Variants in HADH observed in about 807,000 individuals in gnomAD.
HADH encodes the protein hydroxyacyl-CoA dehydrogenase.
HADH carries 24 observed loss-of-function variants against 32.2 expected under a neutral mutation model. The ratio of observed to expected loss-of-function variants is 0.75; its 90% confidence interval spans 0.54 to 1.05. The LOEUF is 1.05. Ranked by LOEUF, HADH falls within the 50% of genes least tolerant of loss-of-function variation. The pLI is 0.00. For missense variants in HADH, 350 were observed against 397.1 expected (o/e 0.88, Z 1.01); for synonymous variants, 139 against 152.5 (o/e 0.91, Z 0.65).
At chr4:108,009,415 G>A (rs554166061) in intron 1 of HADH, among the ~76,000 whole-genome samples, 1 of 152,364 alleles carries the variant, frequency 6.6e-6, no homozygotes, top group Admixed American at 6.5e-5. Context: ...ACAGTGCAGT[G>A]TTAAAATCAG....
chr4:107,995,952 T>G, intron 1 of HADH, among the ~76,000 whole-genome samples: 1 of 152,156 alleles, frequency 6.6e-6, no homozygotes, highest in East Asian at 1.9e-4. Context: ...CTTCTGCCCA[T>G]GGTAGACTCA....
intron 1 of HADH, among the ~76,000 whole-genome samples, chr4:108,000,677 A>G (rs949903423): frequency 5.9e-5 from 9 of 152,212 alleles, no homozygotes; most frequent in African/African-American, 1.9e-4. Context: ...GTTTCACTAA[A>G]GGAGAGATGG....
rs1735800412 is a variant in HADH, at chr4:108,019,299, G to A, written c.420-241G>A. Among the ~76,000 whole-genome samples, 3 of 152,088 alleles carry A rather than the reference G, an allele frequency of 2.0e-5. No individual in the cohort carries two copies. In the South Asian group the frequency reaches 6.2e-4, roughly 32 times the overall value. ...GGAAAATCAAGGAAGGATTGGTGAA[G>A]GTTAAATACCTCTTCGGAACAGGAA... On this transcript the variant is annotated intron_variant, in intron 3 of 7. Coordinates refer to ENST00000309522, the MANE Select transcript of HADH (RefSeq NM_005327.7).
intron 6 of HADH, chr4:108,031,538 TG>T (rs1736262573): frequency 6.6e-6 from 1 of 152,336 alleles, no homozygotes; most frequent in Non-Finnish European, 1.5e-5. Context: ...TTCCCATTCC[TG>T]CCTCTGCATG....
chr4:108,033,209 T>C lies in HADH; in HGVS notation c.743T>C (p.Met248Thr). ...TCCAAAGAAGACATTGACACTGCTATGAAATTAGGAGCCGGTTACCCCATG... is the reference window on the plus strand; with the variant it reads ...TCCAAAGAAGACATTGACACTGCTACGAAATTAGGAGCCGGTTACCCCATG... ...DASKEDIDTAMKLGAGYPMGP... is the reference protein window; with the variant it reads ...DASKEDIDTATKLGAGYPMGP... Residue 248 changes from methionine (M) to threonine (T), a missense_variant, in exon 7 of 8, where the codon ATG becomes ACG. Coordinates refer to ENST00000309522, the MANE Select transcript of HADH (RefSeq NM_005327.7). The C allele has an allele frequency of 6.2e-7, 1 of 1,609,232 alleles. No individual in the cohort carries two copies.
intron 1 of HADH, among the ~76,000 whole-genome samples, chr4:107,997,901 G>A (rs774930456): frequency 6.6e-6 from 1 of 152,124 alleles, no homozygotes; most frequent in Non-Finnish European, 1.5e-5. Flanking sequence ...GGTAACTTGG[G>A]TGTTACTGAA....
At chr4:108,030,668 G>C (rs764828995) in intron 6 of HADH, 2 of 152,234 alleles carry the variant, frequency 1.3e-5, no homozygotes, top group Non-Finnish European at 2.9e-5. Context: ...ACTGGAGGGA[G>C]GTAGGAGAGG....
intron 4 of HADH, among the ~76,000 whole-genome samples, chr4:108,021,150 G>A (rs1735872921): frequency 6.6e-6 from 1 of 152,214 alleles, no homozygotes; most frequent in African/African-American, 2.4e-5. Flanking sequence ...ATCTCATGCA[G>A]ATTAAGAGCA....
Position 108,009,785 on chromosome 4 carries a change from A to T in HADH, c.159A>T (p.Val53=). ...TTGCTGCAGCAACTGGTCACACAGT[A>T]GTGTTGGTAGACCAGACAGAGGACA... ...AQVAAATGHT[V]VLVDQTEDIL... Residue 53 remains valine (V), a synonymous_variant, in exon 2 of 8, where the codon GTA becomes GTT. Transcript: ENST00000309522. The T allele has an allele frequency of 6.2e-7, 1 of 1,612,564 alleles. No homozygotes were observed. Among genetic ancestry groups the T allele is most frequent in the South Asian group, 1.1e-5 (1 of 91,050 alleles).
At chr4:108,023,897 G>A in intron 5 of HADH, 1 of 276,908 alleles carries the variant, frequency 3.6e-6, no homozygotes, top group Non-Finnish European at 7.1e-6. Flanking sequence ...TTTAGGTACA[G>A]CTTGGTAAAC....
At chr4:108,022,041 A>T (rs1345735500) in intron 4 of HADH, among the ~76,000 whole-genome samples, 1 of 152,170 alleles carries the variant, frequency 6.6e-6, no homozygotes, top group South Asian at 2.1e-4. Context: ...CAGGGAAGAC[A>T]TGCCCATGAT....
intron 1 of HADH, chr4:108,005,078 C>G: frequency 2.1e-6 from 1 of 482,812 alleles, no homozygotes; most frequent in South Asian, 3.3e-5. Context: ...GTATTGGAAA[C>G]TCCTAATCAA....
chr4:108,006,577 TA>T (rs1735300560), intron 1 of HADH, among the ~76,000 whole-genome samples: 1 of 152,294 alleles, frequency 6.6e-6, no homozygotes, highest in Non-Finnish European at 1.5e-5. Flanking sequence ...GAAGGCTTGC[TA>T]AACCACAGCT....
intron 1 of HADH, among the ~76,000 whole-genome samples, chr4:107,990,743 CTTTTTTT>C (rs553014808): frequency 3.3e-4 from 37 of 111,842 alleles, no homozygotes; most frequent in South Asian, 1.9e-3. Flanking sequence ...AAGTCTCTCT[CTTTTTTT>C]TTTTTTTTTT....
rs149962772 is a variant in HADH at position 108,004,762 on chromosome 4, C to G, written c.133-4997C>G. 1,525 of 1,535,456 alleles carry G rather than the reference C, an allele frequency of 9.9e-4. 14 individuals are homozygous for G. In the African/African-American group the frequency reaches 0.018, roughly 18 times the overall value. ...AAGAGATTTTTAAGGTCAAAAGAAGCAGCTGAAGAACATGTGTAGGACAGC... is the reference window on the plus strand; with the variant it reads ...AAGAGATTTTTAAGGTCAAAAGAAGGAGCTGAAGAACATGTGTAGGACAGC... On this transcript the variant is annotated intron_variant, in intron 1 of 7. Coordinates refer to ENST00000309522, the MANE Select transcript of HADH (RefSeq NM_005327.7).
intron 1 of HADH, among the ~76,000 whole-genome samples, chr4:107,991,310 A>G (rs918994029): frequency 6.6e-6 from 1 of 152,170 alleles, no homozygotes; most frequent in East Asian, 1.9e-4. Flanking sequence ...GGACAGTACT[A>G]CTGTGGCTAC....
Position 108,025,204 on chromosome 4 carries a change from A to C in HADH, c.636+1641A>C, listed in dbSNP as rs541489919. 1.2e-4 allele frequency: 18 copies of C among 152,366 alleles called. No individual in the cohort carries two copies. The East Asian group carries it at 2.9e-3, about 24-fold the overall frequency. The allele number at this position is 152,366 out of a possible 1,614,324, so 9.4% of individuals were successfully genotyped here. On this transcript the variant is annotated intron_variant, in intron 5 of 7. Transcript: ENST00000309522. Reference sequence around the variant, plus strand: ...CTTACAAAAACAGGCTGTGGGCTACAGTATTGTACTTTACCAATACTTGAC... The same window carrying C: ...CTTACAAAAACAGGCTGTGGGCTACCGTATTGTACTTTACCAATACTTGAC...
intron 1 of HADH, among the ~76,000 whole-genome samples, chr4:108,007,095 T>G (rs1284329110): frequency 6.6e-6 from 1 of 151,924 alleles, no homozygotes. Flanking sequence ...AGGCTTAAGT[T>G]TTTGTTTGTT....
intron 1 of HADH, among the ~76,000 whole-genome samples, chr4:108,008,836 G>A (rs1011095708): frequency 3.9e-5 from 6 of 152,066 alleles, no homozygotes; most frequent in African/African-American, 1.4e-4. Flanking sequence ...TCACTTACAC[G>A]TGCCTATAAG....
Sources: allele counts gnomAD v4.1 joint callset (sites outside exome capture counted in the v4.1 genomes callset), GRCh38; gene constraint gnomAD v4.1.1; transcripts MANE v1.5; gene names NCBI Gene and HGNC (gene_info 2026-07-23, HGNC 2026-07-21).